COMMD10: variants seen among roughly 807,000 people sequenced by gnomAD.
COMMD10 encodes COMM domain containing 10.
Under a neutral mutation model 28.9 loss-of-function variants are expected in COMMD10, and 33 were observed. The ratio of observed to expected loss-of-function variants is 1.14; its 90% CI spans 0.87 to 1.53. The LOEUF (loss-of-function observed/expected upper bound fraction) is 1.53, where lower values mean the gene tolerates loss of function less well. Among genes scored for constraint, COMMD10 ranks in the 40% most tolerant of loss-of-function variants. COMMD10 has a pLI of 0.00. For synonymous variants in COMMD10, 110 were observed against 81.7 expected (o/e 1.35, Z -1.87); for missense variants, 310 against 233.4 (o/e 1.33, Z -2.14).
At chr5:116,190,298 AAGTT>A (rs1370842209) in intron 5 of COMMD10, among the ~76,000 whole-genome samples, 8 of 152,304 alleles carry the variant, frequency 5.3e-5, no homozygotes, top group African/African-American at 1.7e-4. Context: ...AACTGTTTGA[AAGTT>A]AAATATGCAG....
intron 4 of COMMD10, among the ~76,000 whole-genome samples, chr5:116,130,171 A>G (rs1037608711): frequency 1.3e-5 from 2 of 151,834 alleles, no homozygotes; most frequent in African/African-American, 4.8e-5. Flanking sequence ...ATTTATTTCA[A>G]TTCAATTCTA....
At chr5:116,213,932 TA>T (rs535136809) in intron 5 of COMMD10, among the ~76,000 whole-genome samples, 3 of 152,148 alleles carry the variant, frequency 2.0e-5, no homozygotes, top group Non-Finnish European at 4.4e-5. Context: ...TTTCATGGAA[TA>T]GAATATTTTA....
chr5:116,108,040 C>T (rs1262911618), intron 4 of COMMD10, among the ~76,000 whole-genome samples: 2 of 152,244 alleles, frequency 1.3e-5, no homozygotes, highest in African/African-American at 2.4e-5. Flanking sequence ...TTGCTTCTTC[C>T]TGAAGCTTCT....
In COMMD10 at chr5:116,268,126, G is replaced by T. The variant is rs1000000549; in HGVS notation, c.511-23391G>T. ...GATCTAATTAAACTAAAGAGCTTCT[G>T]CACAGCAAAAGAAACTACCATTAGA... On this transcript the variant is annotated intron_variant, in intron 5 of 6. Coordinates refer to ENST00000274458, the MANE Select transcript of COMMD10 (RefSeq NM_016144.4). Among the ~76,000 whole-genome samples the T allele has an allele frequency of 3.3e-5, 5 of 151,898 alleles. 1 individual carries two copies. Among genetic ancestry groups the T allele is most frequent in the African/African-American group, 1.2e-4 (5 of 41,168 alleles).
At chr5:116,142,423 G>A (rs1013274906) in intron 5 of COMMD10, among the ~76,000 whole-genome samples, 7 of 151,740 alleles carry the variant, frequency 4.6e-5, no homozygotes, top group African/African-American at 1.7e-4. Flanking sequence ...AATTAGAGAA[G>A]CCTTCTTAGG....
intron 2 of COMMD10, 84 bp from the exon 3 acceptor site, chr5:116,090,995 T>C (rs1750276549): frequency 4.0e-6 from 3 of 742,006 alleles, no homozygotes; most frequent in East Asian, 2.7e-5. Context: ...TCATCTCATA[T>C]ACGAATAAAT....
Position 116,293,066 on chromosome 5 carries a change from C to A in COMMD10, c.*577C>A. On this transcript the variant is annotated 3_prime_UTR_variant, in exon 7 of 7. Coordinates refer to ENST00000274458, the MANE Select transcript of COMMD10 (RefSeq NM_016144.4). ...AGCTTCTCTGTCAACTTCAGTTTCTCTCTCAGTTTAATGATTTAATAATAG... is the reference window on the plus strand; with the variant it reads ...AGCTTCTCTGTCAACTTCAGTTTCTATCTCAGTTTAATGATTTAATAATAG... The A allele has an allele frequency of 2.5e-6, 1 of 397,086 alleles. No individual in the cohort carries two copies. Among genetic ancestry groups the A allele is most frequent in the South Asian group, 1.3e-4 (1 of 7,834 alleles). The allele number at this position is 397,086 out of a possible 1,614,324, so 24.6% of individuals were successfully genotyped here. A position where few individuals can be genotyped will look rare whatever the true frequency, so the allele number is the denominator to read the frequency against.
At chr5:116,179,658 T>A (rs1169697881) in intron 5 of COMMD10, among the ~76,000 whole-genome samples, 1 of 152,174 alleles carries the variant, frequency 6.6e-6, no homozygotes, top group Non-Finnish European at 1.5e-5. Flanking sequence ...AACCTGGGCC[T>A]GGATTGAAGC....
intron 5 of COMMD10, among the ~76,000 whole-genome samples, chr5:116,272,243 T>C (rs772278427): frequency 1.3e-5 from 2 of 151,792 alleles, no homozygotes; most frequent in Non-Finnish European, 2.9e-5. Context: ...AAAATGGGTA[T>C]TCTTTATAGA....
rs1431472758 is a variant in COMMD10 at position 116,130,887 on chromosome 5, TTAAAA to T, written c.400-3178_400-3174del. On this transcript the variant is annotated intron_variant, in intron 4 of 6. Transcript: ENST00000274458. ...ATAATAAGTATAACATTGTAAATATTTAAAATATGCAATTTTGTTTGTAGTTTTAA... is the reference window on the plus strand; with the variant it reads ...ATAATAAGTATAACATTGTAAATATTTATGCAATTTTGTTTGTAGTTTTAA... Among the ~76,000 whole-genome samples the T allele has an allele frequency of 3.9e-5, 6 of 152,060 alleles. No individual in the cohort carries two copies. The South Asian group carries it at 6.2e-4, about 16-fold the overall frequency.
At chr5:116,099,148 G>C (rs1166846948) in intron 4 of COMMD10, among the ~76,000 whole-genome samples, 1 of 152,044 alleles carries the variant, frequency 6.6e-6, no homozygotes, top group East Asian at 1.9e-4. Flanking sequence ...CCCATCCCCA[G>C]GCAACTACCA....
intron 5 of COMMD10, among the ~76,000 whole-genome samples, chr5:116,152,015 C>T (rs1165408765): frequency 6.6e-6 from 1 of 152,140 alleles, no homozygotes; most frequent in Non-Finnish European, 1.5e-5. Context: ...TTTCCCTCTA[C>T]ACACTGCTTT....
chr5:116,132,801 T>C (rs1303751709), intron 4 of COMMD10, among the ~76,000 whole-genome samples: 1 of 152,154 alleles, frequency 6.6e-6, no homozygotes, highest in Non-Finnish European at 1.5e-5. Flanking sequence ...TAAAGATCAG[T>C]ATGTAAAGAA....
chr5:116,268,935 C>T (rs150217897), intron 5 of COMMD10, among the ~76,000 whole-genome samples: 8 of 150,216 alleles, frequency 5.3e-5, no homozygotes, highest in South Asian at 4.2e-4. Flanking sequence ...CATCACAAAC[C>T]GGAGCCTGTT....
chr5:116,195,617 C>T (rs1022455824), intron 5 of COMMD10, among the ~76,000 whole-genome samples: 1 of 151,822 alleles, frequency 6.6e-6, no homozygotes, highest in African/African-American at 2.4e-5. Flanking sequence ...AGTCAAAGAC[C>T]TCTACAAGAA....
At position 116,134,092 on chromosome 5, in the gene COMMD10, A is replaced by G. The variant is rs146988130; in HGVS notation, c.424A>G (p.Asn142Asp). 6.8e-5 allele frequency: 109 copies of G among 1,608,512 alleles called. No homozygotes were observed. The highest frequency in any genetic ancestry group is 6.6e-4 in the Middle Eastern group (4 of 6,052). ...CKLETVGWQL[N>D]LQMAHSAQAK... ...GCTAGAGACCGTTGGATGGCAGCTT[A>G]ACCTTCAGATGGCTCACTCTGCTCA... Residue 142 changes from asparagine (N) to aspartate (D), a missense_variant, in exon 5 of 7, where the codon AAC (asparagine) becomes GAC (aspartate). By Grantham distance (23) the Asn-to-Asp change is conservative. Transcript: ENST00000274458.
At chr5:116,150,434 A>G (rs1752486761) in intron 5 of COMMD10, among the ~76,000 whole-genome samples, 1 of 152,160 alleles carries the variant, frequency 6.6e-6, no homozygotes, top group Non-Finnish European at 1.5e-5. Flanking sequence ...TTGAATGTAT[A>G]AATTACCTTG....
At chr5:116,132,113 A>G (rs1339952068) in intron 4 of COMMD10, among the ~76,000 whole-genome samples, 1 of 152,038 alleles carries the variant, frequency 6.6e-6, no homozygotes, top group African/African-American at 2.4e-5. Context: ...CTATTGTGAT[A>G]GTCTGGGAAT....
At chr5:116,178,757 T>G (rs1193525771) in intron 5 of COMMD10, among the ~76,000 whole-genome samples, 2 of 152,142 alleles carry the variant, frequency 1.3e-5, no homozygotes, top group Non-Finnish European at 2.9e-5. Context: ...AAAGTTGGTT[T>G]ATAATAAGGT....
Sources: gnomAD v4.1 joint callset for allele counts (sites outside exome capture counted in the v4.1 genomes callset) on GRCh38, gnomAD v4.1.1 for gene constraint, MANE v1.5 for transcripts, NCBI Gene and HGNC (gene_info 2026-07-23, HGNC 2026-07-21) for gene names.